Variants in LHX5 observed in about 807,000 individuals in gnomAD.
LHX5 encodes the protein LIM homeobox 5.
LHX5 carries 5 observed loss-of-function variants against 30.6 expected under a neutral mutation model. The ratio of observed to expected loss-of-function variants is 0.16; its 90% CI spans 0.09 to 0.34. The LOEUF is 0.34. LHX5 is among the 10% of genes least tolerant of loss of function. LHX5 has a pLI of 1.00. For synonymous variants in LHX5, 266 were observed against 252.6 expected (o/e 1.05, Z -0.50); for missense variants, 458 against 570.6 (o/e 0.80, Z 2.01).
Position 113,471,443 on chromosome 12 carries a change from T to G in LHX5, c.56A>C (p.Asn19Thr). The G allele has an allele frequency of 6.2e-7, 1 of 1,612,812 alleles. No individual in the cohort carries two copies. Among genetic ancestry groups the G allele is most frequent in the Non-Finnish European group, 8.5e-7 (1 of 1,179,444 alleles). Residue 19 changes from asparagine (N) to threonine (T), a missense_variant, in exon 1 of 5, where the codon AAC becomes ACC. Physicochemically the swap from Asn to Thr is moderately conservative, Grantham distance 65. Transcript: ENST00000261731. ...GATGTGCCACGCGCGGTCCAGCACG[T>G]TCAGCAGAAAGCGGTCGAGGATGGG... ...ERPILDRFLL[N>T]VLDRAWHIKC...
intron 1 of LHX5, among the ~76,000 whole-genome samples, chr12:113,470,350 A>C (rs912614689): frequency 1.3e-5 from 2 of 152,224 alleles, no homozygotes; most frequent in South Asian, 4.1e-4. Flanking sequence ...CCGGCAGCGT[A>C]ATTGGCCATA....
Position 113,462,720 on chromosome 12 carries a change from C to CT in LHX5, c.*469dup, listed in dbSNP as rs888119186. The CT allele has an allele frequency of 3.0e-4, 45 of 151,720 alleles. No individual in the cohort carries two copies. The highest frequency in any genetic ancestry group is 5.6e-4 in the Non-Finnish European group (38 of 67,970). 9.4% of individuals were successfully genotyped at this position (151,720 alleles called of 1,614,324 possible). A position where few individuals can be genotyped will look rare whatever the true frequency, so the allele number is the denominator to read the frequency against. ...TCAATCTCTCTCCTTTTCTTATCAT[C>CT]TTTTTTTTTAAAGACGGGGAAAGCA... is the stretch of plus-strand genomic sequence containing the variant. On this transcript the variant is annotated 3_prime_UTR_variant, in exon 5 of 5. Transcript: ENST00000261731.
rs1958214230 is a variant in LHX5, at chr12:113,466,134, C to G, written c.841+1122G>C. ...GCCTTGCTAACACTGCCACTGAACC[C>G]ACTTTCTAAGAGAAATTGCCTCTTC... On this transcript the variant is annotated intron_variant, in intron 4 of 4. Transcript: ENST00000261731. The surrounding 1 kb of genome is among the most constrained non-coding windows in gnomAD (Gnocchi z 6.5). 1.3e-5 allele frequency among the ~76,000 whole-genome samples: 2 copies of G among 152,190 alleles called. No homozygotes were observed. Among genetic ancestry groups the G allele is most frequent in the African/African-American group, 4.8e-5 (2 of 41,430 alleles).
chr12:113,464,309 C>T lies in LHX5; in HGVS notation c.842-752G>A, dbSNP rs1238259305. On this transcript the variant is annotated intron_variant, in intron 4 of 4. Transcript: ENST00000261731. The surrounding 1 kb of genome is among the most constrained non-coding windows in gnomAD (Gnocchi z 6.2). Reference sequence around the variant, plus strand: ...GACAGGCCCGGGGAGAGGAACCGGGCAGGGACAAACCAGCGGACAGAGCAG... The same window carrying T: ...GACAGGCCCGGGGAGAGGAACCGGGTAGGGACAAACCAGCGGACAGAGCAG... Among the ~76,000 whole-genome samples, 1 of 152,188 alleles carries T rather than the reference C, an allele frequency of 6.6e-6. No homozygotes were observed. Among genetic ancestry groups the T allele is most frequent in the African/African-American group, 2.4e-5 (1 of 41,448 alleles).
At chr12:113,469,554 C>T (rs1441068854) in intron 1 of LHX5, among the ~76,000 whole-genome samples, 2 of 152,238 alleles carry the variant, frequency 1.3e-5, no homozygotes, top group African/African-American at 2.4e-5. Context: ...CATGCCTCCA[C>T]TGGGGCTTTT....
chr12:113,469,335 T>C lies in LHX5; in HGVS notation c.184A>G (p.Thr62Ala). ...CKNDFFRRFG[T>A]KCAGCAQGIS... ...CCTTGCGCGCAGCCGGCGCATTTCGTGCCAAAGCGCCTGTGGACACAATGT... is the reference window on the plus strand; with the variant it reads ...CCTTGCGCGCAGCCGGCGCATTTCGCGCCAAAGCGCCTGTGGACACAATGT... Residue 62 changes from threonine to alanine, a missense_variant, in exon 2 of 5, where the codon ACG becomes GCG. Physicochemically the swap from Thr to Ala is moderately conservative, Grantham distance 58 (BLOSUM62 0). Coordinates refer to ENST00000261731, the MANE Select transcript of LHX5 (RefSeq NM_022363.3). The C allele has an allele frequency of 6.2e-7, 1 of 1,612,722 alleles. No homozygotes were observed. Among genetic ancestry groups the C allele is most frequent in the Non-Finnish European group, 8.5e-7 (1 of 1,179,912 alleles).
rs1958205386 is a variant in LHX5 at position 113,465,267 on chromosome 12, G to C, written c.842-1710C>G. ...GGGGAAGATGGGGAGCGGCAAATTT[G>C]GAGCCCCAAAGGGACAGGGATGGGA... On this transcript the variant is annotated intron_variant, in intron 4 of 4. Coordinates refer to ENST00000261731, the MANE Select transcript of LHX5 (RefSeq NM_022363.3). This position sits in a 1 kb window ranked among gnomAD's most constrained non-coding sequence, Gnocchi z 6.7. 6.6e-6 allele frequency among the ~76,000 whole-genome samples: 1 copy of C among 152,230 alleles called. No homozygotes were observed.
At chr12:113,470,832 C>G (rs1565887953) in intron 1 of LHX5, among the ~76,000 whole-genome samples, 1 of 152,196 alleles carries the variant, frequency 6.6e-6, no homozygotes, top group Non-Finnish European at 1.5e-5. Flanking sequence ...GGGAGGTTCT[C>G]TCCTCCCATC....
chr12:113,471,313 C>G lies in LHX5; in HGVS notation c.173+13G>C, dbSNP rs748426075. 2 of 1,612,412 alleles carry G rather than the reference C, an allele frequency of 1.2e-6. No homozygotes were observed. The highest frequency in any genetic ancestry group is 1.7e-6 in the Non-Finnish European group (2 of 1,179,528). On this transcript the variant is annotated intron_variant, in intron 1 of 4. Transcript: ENST00000261731. ...GGTGGGCGCGCAGGCAGCAGAGCGG[C>G]GCGGCCTCTTACCTGAAAAAGTCAT... is the stretch of plus-strand genomic sequence containing the variant.
In LHX5 at chr12:113,467,323, C is replaced by T. The variant is rs758489355; in HGVS notation, c.774G>A (p.Met258Ile). The change falls in exon 4 of 5, where the codon ATG (methionine) becomes ATA (isoleucine). Residue 258 changes from methionine (M) to isoleucine (I), a missense_variant. Transcript: ENST00000261731. The surrounding 1 kb of genome is among the most constrained non-coding windows in gnomAD (Gnocchi z 6.3). ...CGTCCAAGCGGCCGCCCAGCGGACGCATGCGCCGCGGACTCCGGAAGAAGG... is the reference window on the plus strand; with the variant it reads ...CGTCCAAGCGGCCGCCCAGCGGACGTATGCGCCGCGGACTCCGGAAGAAGG... The part of the protein sequence containing the change: ...RHAFFRSPRR[M>I]RPLGGRLDES... 5 of 1,576,854 alleles carry T rather than the reference C, an allele frequency of 3.2e-6. No individual in the cohort carries two copies. The South Asian group carries it at 3.5e-5, about 11-fold the overall frequency.
chr12:113,463,305 G>T lies in LHX5; in HGVS notation c.1094C>A (p.Pro365His). Reference protein sequence around the residue: ...PGLPGTLHPMPGEVFSGGPSP... With the variant: ...PGLPGTLHPMHGEVFSGGPSP... ...GGGCCCGCCGCTGAATACCTCGCCG[G>T]GCATGGGGTGCAGCGTGCCCGGCAG... Residue 365 changes from proline to histidine, a missense_variant, in exon 5 of 5, where the codon CCC becomes CAC. By Grantham distance (77) the Pro-to-His change is moderately conservative. Around this residue, in one of 3 missense-constraint regions of LHX5, gnomAD observed 255 missense variants for 246.8 expected, o/e 1.03. Coordinates refer to ENST00000261731, the MANE Select transcript of LHX5 (RefSeq NM_022363.3). This position sits in a 1 kb window ranked among gnomAD's most constrained non-coding sequence, Gnocchi z 6.7. The T allele has an allele frequency of 6.5e-7, 1 of 1,533,316 alleles. No homozygotes were observed. Among genetic ancestry groups the T allele is most frequent in the Middle Eastern group, 1.7e-4 (1 of 5,768 alleles). The allele number at this position is 1,533,316 out of a possible 1,614,324, so 95.0% of individuals were successfully genotyped here.
chr12:113,470,911 T>C (rs1028666411), intron 1 of LHX5, among the ~76,000 whole-genome samples: 5 of 152,236 alleles, frequency 3.3e-5, no homozygotes, highest in Non-Finnish European at 5.9e-5. Context: ...TTGCGGCCGA[T>C]GGGCTCACAC....
In LHX5 at chr12:113,468,410, G is replaced by A; in HGVS notation, c.398-6C>T. 6.2e-7 allele frequency: 1 copy of A among 1,603,698 alleles called. No individual in the cohort carries two copies. The highest frequency in any genetic ancestry group is 1.1e-5 in the South Asian group (1 of 90,588). On this transcript the variant is annotated splice_polypyrimidine_tract_variant and splice_region_variant and intron_variant, in intron 2 of 4. Coordinates refer to ENST00000261731, the MANE Select transcript of LHX5 (RefSeq NM_022363.3). Reference sequence around the variant, plus strand: ...GCGGTCCGTACAGGATGACACTGCGGGCGGACGGATCGGGAAGGGGACAGC... The same window carrying A: ...GCGGTCCGTACAGGATGACACTGCGAGCGGACGGATCGGGAAGGGGACAGC...
Position 113,464,645 on chromosome 12 carries a change from GTAGAAGC to G in LHX5, c.842-1095_842-1089del, listed in dbSNP as rs1011501978. Among the ~76,000 whole-genome samples, 4 of 152,190 alleles carry G rather than the reference GTAGAAGC, an allele frequency of 2.6e-5. No homozygotes were observed. The highest frequency in any genetic ancestry group is 5.9e-5 in the Non-Finnish European group (4 of 68,036). The stretch of plus-strand genomic sequence containing the variant: ...GCCAGAGCTCCGCGGGCTCCTTGGG[GTAGAAGC>G]TCGGTCCTCCAGCCTTGCCCCGGGT... On this transcript the variant is annotated intron_variant, in intron 4 of 4. Transcript: ENST00000261731. This position sits in a 1 kb window ranked among gnomAD's most constrained non-coding sequence, Gnocchi z 6.2.
chr12:113,463,607 G>A lies in LHX5; in HGVS notation c.842-50C>T, dbSNP rs1958192679. The A allele has an allele frequency of 4.1e-6, 6 of 1,466,868 alleles. No individual in the cohort carries two copies. The highest frequency in any genetic ancestry group is 2.6e-5 in the East Asian group (1 of 38,632). 90.9% of individuals were successfully genotyped at this position (1,466,868 alleles called of 1,614,324 possible). On this transcript the variant is annotated intron_variant, in intron 4 of 4. Coordinates refer to ENST00000261731, the MANE Select transcript of LHX5 (RefSeq NM_022363.3). The surrounding 1 kb of genome is among the most constrained non-coding windows in gnomAD (Gnocchi z 6.7). ...ACAGGGCGCGGTGAGAGAAGGCGAAGTAGGCGGGGGACCCGGGACCCGGGG... is the reference window on the plus strand; with the variant it reads ...ACAGGGCGCGGTGAGAGAAGGCGAAATAGGCGGGGGACCCGGGACCCGGGG...
In LHX5 at chr12:113,467,918, A is replaced by C. The variant is rs1421538520; in HGVS notation, c.675+209T>G. On this transcript the variant is annotated intron_variant, in intron 3 of 4. Coordinates refer to ENST00000261731, the MANE Select transcript of LHX5 (RefSeq NM_022363.3). The surrounding 1 kb of genome is among the most constrained non-coding windows in gnomAD (Gnocchi z 6.3). ...GAGAGGTAAAGTGACCCGCCCCCAA[A>C]TCGCAATACCAGGAGGACAGCAGGG... 6.6e-6 allele frequency among the ~76,000 whole-genome samples: 1 copy of C among 152,242 alleles called. No individual in the cohort carries two copies. Among genetic ancestry groups the C allele is most frequent in the Non-Finnish European group, 1.5e-5 (1 of 68,038 alleles).
At position 113,462,881 on chromosome 12, in the gene LHX5, A is replaced by C; in HGVS notation, c.*309T>G. 1 of 218,584 alleles carries C rather than the reference A, an allele frequency of 4.6e-6. No individual in the cohort carries two copies. Among genetic ancestry groups the C allele is most frequent in the East Asian group, 1.1e-4 (1 of 8,852 alleles). 13.5% of individuals were successfully genotyped at this position (218,584 alleles called of 1,614,324 possible). ...GGTGGGTGGGTGGGGGCCCGGGGAA[A>C]GTCTAGAGCGTGCTCGAAATCTCTT... On this transcript the variant is annotated 3_prime_UTR_variant, in exon 5 of 5. Coordinates refer to ENST00000261731, the MANE Select transcript of LHX5 (RefSeq NM_022363.3).
At position 113,468,298 on chromosome 12, in the gene LHX5, G is replaced by C; in HGVS notation, c.504C>G (p.Asn168Lys). 6.2e-7 allele frequency: 1 copy of C among 1,614,166 alleles called. No individual in the cohort carries two copies. Among genetic ancestry groups the C allele is most frequent in the Non-Finnish European group, 8.5e-7 (1 of 1,179,982 alleles). Residue 168 changes from asparagine (N) to lysine (K), a missense_variant, in exon 3 of 5, where the codon AAC (asparagine) becomes AAG (lysine). Physicochemically the swap from Asn to Lys is moderately conservative, Grantham distance 94. Coordinates refer to ENST00000261731, the MANE Select transcript of LHX5 (RefSeq NM_022363.3). ...NSTSSDKETA[N>K]NENEEQNSGT... ...CCGAGTTCTGCTCCTCGTTCTCGTT[G>C]TTGGCCGTCTCCTTGTCCGACGAGG...
In LHX5 at chr12:113,463,657, G is replaced by A; in HGVS notation, c.842-100C>T. ...GAGGGGACCCGGGCGGGCGAGAGAG[G>A]GGAGCGCGCGACACCGACCCAAGGT... On this transcript the variant is annotated intron_variant, in intron 4 of 4. Transcript: ENST00000261731. This position sits in a 1 kb window ranked among gnomAD's most constrained non-coding sequence, Gnocchi z 6.7. 1.6e-6 allele frequency: 2 copies of A among 1,289,564 alleles called. No individual in the cohort carries two copies. Among genetic ancestry groups the A allele is most frequent in the East Asian group, 2.6e-5 (1 of 38,028 alleles). 79.9% of individuals were successfully genotyped at this position (1,289,564 alleles called of 1,614,324 possible).
Sources: allele counts gnomAD v4.1 joint callset (sites outside exome capture counted in the v4.1 genomes callset), GRCh38; gene constraint gnomAD v4.1.1; regional missense constraint gnomAD v4.1.1; non-coding constraint Gnocchi (gnomAD v3.1); transcripts MANE v1.5; gene names NCBI Gene and HGNC (gene_info 2026-07-23, HGNC 2026-07-21).